CYP4X1: variants seen among roughly 807,000 people sequenced by gnomAD.
CYP4X1 encodes cytochrome P450 family 4 subfamily X member 1.
A neutral mutation model predicts 57.9 loss-of-function variants in CYP4X1; 44 were observed. That is an observed-to-expected ratio of 0.76 (90% confidence interval 0.60 to 0.98). The LOEUF is 0.98. Among genes scored for constraint, CYP4X1 ranks in the 50% least tolerant of loss-of-function variants. The probability of loss-of-function intolerance (pLI) is 0.00; values close to 1 mark genes in which losing one functional copy is unlikely to be tolerated. For synonymous variants in CYP4X1, 227 were observed against 228.6 expected, an observed-to-expected ratio of 0.99 and a Z score of 0.06; for missense variants, 532 against 623.9, an observed-to-expected ratio of 0.85 and a Z score of 1.57.
At chr1:47,006,811 T>C in the CYP4X1 span, among the ~76,000 whole-genome samples, 1 of 152,210 alleles carries the variant, frequency 6.6e-6, no homozygotes, top group Non-Finnish European at 1.5e-5. Context: ...GAGGGTCCTA[T>C]GCTCACGGAG....
chr1:47,008,835 T>C, the CYP4X1 span, among the ~76,000 whole-genome samples: 8 of 152,168 alleles, frequency 5.3e-5, no homozygotes, highest in Non-Finnish European at 1.2e-4. Flanking sequence ...GGCCATTACA[T>C]AATGGTAAAG....
At chr1:47,045,068 G>A (rs545299470) in intron 8 of CYP4X1, among the ~76,000 whole-genome samples, 60 of 152,120 alleles carry the variant, frequency 3.9e-4, no homozygotes, top group African/African-American at 1.3e-3. Flanking sequence ...CAGATGATCC[G>A]CCCACCTAGG....
chr1:47,048,537 A>C lies in CYP4X1; in HGVS notation c.1208-28A>C, dbSNP rs1644326972. 1.9e-6 allele frequency: 3 copies of C among 1,612,856 alleles called. No homozygotes were observed. The East Asian group carries it at 6.7e-5, about 36-fold the overall frequency. On this transcript the variant is annotated intron_variant, in intron 9 of 11. Transcript: ENST00000371901. ...GCCCACAACTTGCTCTTTCTCCTGC[A>C]GTCTCTTTTATTTCCCTCCTTTCTT...
the CYP4X1 span, among the ~76,000 whole-genome samples, chr1:46,976,870 C>G: frequency 1.3e-5 from 2 of 152,188 alleles, no homozygotes; most frequent in Non-Finnish European, 2.9e-5. Context: ...AACAGACCAG[C>G]AGCTGAGGGA....
At chr1:46,963,449 G>C in the CYP4X1 span, among the ~76,000 whole-genome samples, 2 of 151,294 alleles carry the variant, frequency 1.3e-5, no homozygotes, top group African/African-American at 2.4e-5. Context: ...GGCAGGCCTG[G>C]TGGTGACAAA....
chr1:47,035,316 C>T (rs1372080781), intron 4 of CYP4X1, among the ~76,000 whole-genome samples: 6 of 152,040 alleles, frequency 3.9e-5, no homozygotes, highest in Non-Finnish European at 4.4e-5. Context: ...GCAGCAGCTC[C>T]TCTCCACACT....
At chr1:47,030,639 T>A (rs191041888) in intron 2 of CYP4X1, among the ~76,000 whole-genome samples, 68 of 152,342 alleles carry the variant, frequency 4.5e-4, no homozygotes, top group Non-Finnish European at 4.1e-4. Flanking sequence ...GTATGAGTCA[T>A]CTACTTCCCC....
chr1:47,047,871 A>G (rs1421366818), intron 9 of CYP4X1, among the ~76,000 whole-genome samples: 3 of 152,128 alleles, frequency 2.0e-5, no homozygotes, highest in Non-Finnish European at 4.4e-5. Context: ...CGCTGGGACT[A>G]CAGCCATGAG....
At chr1:47,006,702 C>T in the CYP4X1 span, among the ~76,000 whole-genome samples, 87 of 152,236 alleles carry the variant, frequency 5.7e-4, no homozygotes, top group African/African-American at 1.8e-3. Context: ...GGGTGACAGA[C>T]GGCACCTGGA....
the CYP4X1 span, among the ~76,000 whole-genome samples, chr1:46,995,048 C>G: frequency 6.6e-6 from 1 of 152,098 alleles, no homozygotes; most frequent in Admixed American, 6.6e-5. Flanking sequence ...TGAAATATTA[C>G]CTGGGGCTGG....
chr1:47,048,542 C>G (rs1021425699), intron 9 of CYP4X1, 23 bp from the exon 10 acceptor site: 2 of 1,613,880 alleles, frequency 1.2e-6, no homozygotes, highest in Non-Finnish European at 1.7e-6. Flanking sequence ...CCTGCAGTCT[C>G]TTTTATTTCC....
At chr1:47,037,170 C>G (rs1644193000) in intron 6 of CYP4X1, among the ~76,000 whole-genome samples, 1 of 151,560 alleles carries the variant, frequency 6.6e-6, no homozygotes, top group African/African-American at 2.4e-5. Flanking sequence ...AAAAAAAAAT[C>G]TTTACTTTTT....
chr1:47,006,411 A>G, the CYP4X1 span, among the ~76,000 whole-genome samples: 3,632 of 152,318 alleles, frequency 0.024, 79 homozygotes, highest in African/African-American at 0.053. Flanking sequence ...TAGTGAGAAA[A>G]AGAATAACTT....
chr1:46,999,455 C>T, the CYP4X1 span, among the ~76,000 whole-genome samples: 2 of 151,960 alleles, frequency 1.3e-5, no homozygotes, highest in South Asian at 4.2e-4. Context: ...TTTCAATCTC[C>T]TCTCTTTTTT....
chr1:47,016,435 A>G, the CYP4X1 span, among the ~76,000 whole-genome samples: 4 of 151,276 alleles, frequency 2.6e-5, no homozygotes, highest in Non-Finnish European at 4.4e-5. Flanking sequence ...TCCACCTCCC[A>G]GGTTCACGCC....
At chr1:47,007,342 A>T in the CYP4X1 span, among the ~76,000 whole-genome samples, 58,699 of 152,072 alleles carry the variant, frequency 0.39, 13,096 homozygotes, top group African/African-American at 0.61. Flanking sequence ...TCCAGCAAAC[A>T]CCAACAGACC....
the CYP4X1 span, among the ~76,000 whole-genome samples, chr1:47,008,997 TAGAC>T: frequency 2.0e-5 from 3 of 152,132 alleles, no homozygotes; most frequent in Non-Finnish European, 4.4e-5. Context: ...CTGTGAACAT[TAGAC>T]AGATCAACGA....
At chr1:47,036,584 A>C (rs549129317) in intron 6 of CYP4X1, among the ~76,000 whole-genome samples, 49 of 152,136 alleles carry the variant, frequency 3.2e-4, no homozygotes, top group African/African-American at 1.1e-3. Context: ...ATTGATTCAA[A>C]AACAGTTTTA....
chr1:46,996,945 T>C, the CYP4X1 span, among the ~76,000 whole-genome samples: 2 of 152,346 alleles, frequency 1.3e-5, no homozygotes, highest in East Asian at 3.9e-4. Flanking sequence ...GCTGAAAGCT[T>C]CCTTGTTCAG....
Sources: allele counts gnomAD v4.1 joint callset (sites outside exome capture counted in the v4.1 genomes callset), GRCh38; gene constraint gnomAD v4.1.1; transcripts MANE v1.5; gene names NCBI Gene and HGNC (gene_info 2026-07-23, HGNC 2026-07-21).